SLC13A1: variants seen among roughly 807,000 people sequenced by gnomAD.
SLC13A1 encodes Na(+)/sulfate cotransporter.
A neutral mutation model predicts 70.0 loss-of-function variants in SLC13A1; 65 were observed. That is an observed-to-expected ratio of 0.93 (90% CI 0.76 to 1.14). The LOEUF is 1.14. Among genes scored for constraint, SLC13A1 ranks in the 50% most tolerant of loss-of-function variants. The pLI is 0.00. For synonymous variants in SLC13A1, 275 were observed against 250.5 expected (o/e 1.10, Z -0.92); for missense variants, 726 against 717.8 (o/e 1.01, Z -0.13).
At chr7:123,199,821 A>G in intron 1 of SLC13A1, 27 bp downstream of exon 1, 4 of 1,508,942 alleles carry the variant, frequency 2.7e-6, no homozygotes, top group Non-Finnish European at 3.7e-6. Flanking sequence ...CAGGAAATCC[A>G]CCAGTCTGTT....
chr7:123,132,635 C>T (rs1016473552), intron 8 of SLC13A1, among the ~76,000 whole-genome samples: 5 of 152,068 alleles, frequency 3.3e-5, no homozygotes, highest in Non-Finnish European at 7.4e-5. Flanking sequence ...CCTCCCAAAG[C>T]ATTTCACTTT....
At chr7:123,161,139 T>C (rs1202765393) in intron 6 of SLC13A1, among the ~76,000 whole-genome samples, 1 of 151,442 alleles carries the variant, frequency 6.6e-6, no homozygotes, top group African/African-American at 2.4e-5. Flanking sequence ...CTTGTAAGAC[T>C]AATAAAATAG....
intron 14 of SLC13A1, among the ~76,000 whole-genome samples, chr7:123,116,103 T>C (rs918558717): frequency 2.6e-5 from 4 of 152,230 alleles, no homozygotes; most frequent in East Asian, 3.8e-4. Context: ...GGACGCCATA[T>C]GGCAACTGTA....
chr7:123,169,457 G>A (rs946263146), intron 3 of SLC13A1, 122 bp from the exon 4 acceptor site: 2 of 869,672 alleles, frequency 2.3e-6, no homozygotes. Context: ...TCAAAACATG[G>A]AAGGTTAAGA....
chr7:123,168,343 T>C (rs747003020), intron 6 of SLC13A1, 31 bp downstream of exon 6: 6 of 1,394,924 alleles, frequency 4.3e-6, no homozygotes, highest in Non-Finnish European at 6.0e-6. Context: ...ATTTTGTATA[T>C]AATTATTTAG....
At chr7:123,130,975 A>T (rs935607473) in intron 8 of SLC13A1, among the ~76,000 whole-genome samples, 1 of 152,198 alleles carries the variant, frequency 6.6e-6, no homozygotes, top group African/African-American at 2.4e-5. Context: ...ATTCCTCCAG[A>T]GGAAGAACTA....
chr7:123,143,719 A>G (rs939204660), intron 7 of SLC13A1, among the ~76,000 whole-genome samples: 2 of 152,130 alleles, frequency 1.3e-5, no homozygotes, highest in Non-Finnish European at 2.9e-5. Flanking sequence ...GGTCCTTATG[A>G]AGGTGCTTTT....
Position 123,115,375 on chromosome 7 carries a change from G to C in SLC13A1, c.*143C>G. ...ATATGGACTCTGAGTTATAACAGCAGGTTTCGGGTATTCACAGGAATTGCA... is the reference window on the plus strand; with the variant it reads ...ATATGGACTCTGAGTTATAACAGCACGTTTCGGGTATTCACAGGAATTGCA... On this transcript the variant is annotated 3_prime_UTR_variant, in exon 15 of 15. Coordinates refer to ENST00000194130, the MANE Select transcript of SLC13A1 (RefSeq NM_022444.4). 1.3e-6 allele frequency: 1 copy of C among 750,198 alleles called. No individual in the cohort carries two copies. The allele number at this position is 750,198 out of a possible 1,614,324, so 46.5% of individuals were successfully genotyped here.
chr7:123,183,592 C>T (rs1795705672), intron 1 of SLC13A1, among the ~76,000 whole-genome samples: 1 of 152,146 alleles, frequency 6.6e-6, no homozygotes, highest in African/African-American at 2.4e-5. Context: ...TGGACTTCTC[C>T]CCTCTCTGCC....
intron 2 of SLC13A1, among the ~76,000 whole-genome samples, chr7:123,178,835 T>C (rs1795544325): frequency 6.6e-6 from 1 of 152,158 alleles, no homozygotes; most frequent in Non-Finnish European, 1.5e-5. Flanking sequence ...AAACTTAGGC[T>C]GAAATGCCAT....
chr7:123,173,461 C>T (rs557537066), intron 2 of SLC13A1, among the ~76,000 whole-genome samples: 54 of 151,964 alleles, frequency 3.6e-4, no homozygotes, highest in African/African-American at 1.3e-3. Flanking sequence ...AAAAATTATC[C>T]ATATGCACCA....
At chr7:123,116,173 T>C (rs916784657) in intron 14 of SLC13A1, among the ~76,000 whole-genome samples, 7 of 152,214 alleles carry the variant, frequency 4.6e-5, no homozygotes, top group African/African-American at 1.7e-4. Context: ...TTATTGAGAT[T>C]TTATGCCATG....
chr7:123,125,794 T>C (rs1200804189), intron 10 of SLC13A1, 119 bp from the exon 11 acceptor site: 2 of 694,562 alleles, frequency 2.9e-6, no homozygotes, highest in Non-Finnish European at 5.1e-6. Context: ...GTGGTGTAGG[T>C]TATTTATCCT....
At chr7:123,140,012 G>A (rs1585316891) in intron 7 of SLC13A1, among the ~76,000 whole-genome samples, 1 of 151,766 alleles carries the variant, frequency 6.6e-6, no homozygotes, top group African/African-American at 2.4e-5. Flanking sequence ...AAAATCTTTC[G>A]GTTTTTTTAC....
chr7:123,191,237 G>A (rs577804734), intron 1 of SLC13A1, among the ~76,000 whole-genome samples: 10 of 152,094 alleles, frequency 6.6e-5, no homozygotes, highest in Non-Finnish European at 1.0e-4. Context: ...GGGTAGTATG[G>A]GTGAGGTCTT....
Position 123,147,169 on chromosome 7 carries a change from A to G in SLC13A1, c.802T>C (p.Tyr268His), listed in dbSNP as rs1585328590. The change falls in exon 7 of 15, where the codon TAT becomes CAT. Residue 268 changes from tyrosine to histidine, a missense_variant. Coordinates refer to ENST00000194130, the MANE Select transcript of SLC13A1 (RefSeq NM_022444.4). The stretch of plus-strand genomic sequence containing the variant: ...AATAAGGTTACTTACGTATTGAAAT[A>G]CTCTGCAAAGATCAAGTTGGTGGAG... ...GTSTNLIFAEYFNTRYPDCRC... is the reference protein window; with the variant it reads ...GTSTNLIFAEHFNTRYPDCRC... The G allele has an allele frequency of 6.2e-7, 1 of 1,613,476 alleles. No individual in the cohort carries two copies. The highest frequency in any genetic ancestry group is 8.5e-7 in the Non-Finnish European group (1 of 1,179,714).
At chr7:123,184,214 T>G (rs1022348679) in intron 1 of SLC13A1, among the ~76,000 whole-genome samples, 2 of 152,166 alleles carry the variant, frequency 1.3e-5, no homozygotes, top group African/African-American at 4.8e-5. Flanking sequence ...TATCTATGCA[T>G]AGTGGAATGA....
chr7:123,163,446 T>C (rs2116510598), intron 6 of SLC13A1, among the ~76,000 whole-genome samples: 1 of 152,212 alleles, frequency 6.6e-6, no homozygotes, highest in South Asian at 2.1e-4. Context: ...CTTTTTTAGA[T>C]ATGCAGCATA....
intron 6 of SLC13A1, among the ~76,000 whole-genome samples, chr7:123,156,828 G>A (rs148253954): frequency 3.9e-5 from 6 of 152,002 alleles, no homozygotes; most frequent in African/African-American, 1.4e-4. Flanking sequence ...TCTTTACCAG[G>A]GCAAACCTAT....
Sources: gnomAD v4.1 joint callset for allele counts (sites outside exome capture counted in the v4.1 genomes callset) on GRCh38, gnomAD v4.1.1 for gene constraint, MANE v1.5 for transcripts, NCBI Gene and HGNC (gene_info 2026-07-23, HGNC 2026-07-21) for gene names.